TTLL5: variants seen among roughly 807,000 people sequenced by gnomAD.
TTLL5 encodes tubulin polyglutamylase TTLL5.
In TTLL5, 132 loss-of-function variants were observed where a neutral mutation model predicts 168.4. That is an observed-to-expected ratio of 0.78 (90% CI 0.68 to 0.91). The LOEUF is 0.91. Among genes scored for constraint, TTLL5 ranks in the 40% least tolerant of loss-of-function variants. The probability of loss-of-function intolerance (pLI) is 0.00; values close to 1 mark genes in which losing one functional copy is unlikely to be tolerated. For missense variants in TTLL5, 1,545 were observed against 1,581.5 expected (o/e 0.98, Z 0.39); for synonymous variants, 546 against 558.6 (o/e 0.98, Z 0.32).
chr14:75,813,429 A>G (rs562237826), intron 27 of TTLL5, among the ~76,000 whole-genome samples: 39 of 151,992 alleles, frequency 2.6e-4, no homozygotes, highest in Admixed American at 1.3e-4. Context: ...CAGCCTCCCT[A>G]GTAGCTGGGA....
At chr14:75,668,589 A>G (rs1160284436) in intron 2 of TTLL5, among the ~76,000 whole-genome samples, 1 of 152,264 alleles carries the variant, frequency 6.6e-6, no homozygotes, top group African/African-American at 2.4e-5. Flanking sequence ...ATAGGGAAAG[A>G]GAATAAAGTC....
intron 21 of TTLL5, among the ~76,000 whole-genome samples, chr14:75,773,903 A>ATACATAT (rs1194006811): frequency 3.7e-4 from 28 of 74,724 alleles, no homozygotes; most frequent in African/African-American, 8.0e-4. Context: ...AAAAAAAAAA[A>ATACATAT]ATACATATAT....
At chr14:75,784,215 A>G (rs1892236220) in intron 26 of TTLL5, among the ~76,000 whole-genome samples, 1 of 152,190 alleles carries the variant, frequency 6.6e-6, no homozygotes, top group Non-Finnish European at 1.5e-5. Context: ...GCCCCTGGCA[A>G]CCACTGATCT....
At position 75,883,428 on chromosome 14, in the gene TTLL5, G is replaced by T. The variant is rs371109656; in HGVS notation, c.3740+526G>T. 1.9e-4 allele frequency among the ~76,000 whole-genome samples: 29 copies of T among 152,324 alleles called. No individual in the cohort carries two copies. In the South Asian group the frequency reaches 6.0e-3, roughly 32 times the overall value. On this transcript the variant is annotated intron_variant, in intron 30 of 31. Transcript: ENST00000298832. ...TTAGCCAGTGAACTAGAAATAGATT[G>T]GTGAAGAGCGTTGGTTCTAGCAGCC... is the stretch of plus-strand genomic sequence containing the variant.
chr14:75,898,435 G>A (rs1346701194), intron 30 of TTLL5, among the ~76,000 whole-genome samples: 2 of 152,030 alleles, frequency 1.3e-5, no homozygotes, highest in Non-Finnish European at 2.9e-5. Flanking sequence ...TGAACCCAGG[G>A]GTTTGAGAGC....
chr14:75,691,174 A>G (rs1381629598), intron 6 of TTLL5, among the ~76,000 whole-genome samples: 4 of 152,154 alleles, frequency 2.6e-5, no homozygotes, highest in Non-Finnish European at 5.9e-5. Context: ...CCTAAGTGTC[A>G]GCTGTATGGC....
chr14:75,783,071 T>G, intron 25 of TTLL5, 76 bp from the exon 26 acceptor site: 1 of 1,408,750 alleles, frequency 7.1e-7, no homozygotes, highest in Non-Finnish European at 9.5e-7. Context: ...GTTTATGTTT[T>G]AAAAATATTT....
At chr14:75,763,255 C>CTGTGTGTGTGTGTGTGTGTG (rs60621403) in intron 18 of TTLL5, among the ~76,000 whole-genome samples, 2 of 58,516 alleles carry the variant, frequency 3.4e-5, no homozygotes, top group African/African-American at 9.6e-5. Context: ...AGCTCTCTCT[C>CTGTGTGTGTGTGTGTGTGTG]TGTGTGTGTG....
At chr14:75,795,518 C>T (rs952703574) in intron 27 of TTLL5, among the ~76,000 whole-genome samples, 1 of 152,018 alleles carries the variant, frequency 6.6e-6, no homozygotes, top group African/African-American at 2.4e-5. Context: ...TTTTGGTGCA[C>T]CTATCACCCA....
At chr14:75,671,950 C>T (rs1042303461) in intron 3 of TTLL5, among the ~76,000 whole-genome samples, 2 of 152,178 alleles carry the variant, frequency 1.3e-5, no homozygotes, top group Non-Finnish European at 2.9e-5. Flanking sequence ...TGTTTTTGAT[C>T]ATAGGAAGAA....
At chr14:75,904,770 A>G (rs556012585) in intron 31 of TTLL5, among the ~76,000 whole-genome samples, 1 of 152,290 alleles carries the variant, frequency 6.6e-6, no homozygotes, top group South Asian at 2.1e-4. Context: ...TTTGTCACCA[A>G]TAGGCTCTGG....
chr14:75,853,877 C>G (rs989458697), intron 28 of TTLL5, among the ~76,000 whole-genome samples: 1 of 152,124 alleles, frequency 6.6e-6, no homozygotes, highest in African/African-American at 2.4e-5. Flanking sequence ...AACCCCATCT[C>G]TACTAAAAAT....
intron 5 of TTLL5, among the ~76,000 whole-genome samples, chr14:75,687,091 C>A (rs1040675166): frequency 1.3e-5 from 2 of 151,880 alleles, no homozygotes; most frequent in Non-Finnish European, 2.9e-5. Context: ...GATTTTTATA[C>A]CTGTGAATCA....
At chr14:75,834,129 G>A (rs1229924573) in intron 28 of TTLL5, among the ~76,000 whole-genome samples, 2 of 152,176 alleles carry the variant, frequency 1.3e-5, no homozygotes, top group Non-Finnish European at 2.9e-5. Flanking sequence ...CTAGTAAAAG[G>A]CATGTGGGGC....
chr14:75,817,279 C>G (rs1894484655), intron 27 of TTLL5, among the ~76,000 whole-genome samples: 2 of 152,026 alleles, frequency 1.3e-5, no homozygotes, highest in African/African-American at 2.4e-5. Context: ...CGCCCAGCCT[C>G]TTCCCTGCCT....
chr14:75,830,881 C>A (rs1333723717), intron 28 of TTLL5, among the ~76,000 whole-genome samples: 2 of 152,118 alleles, frequency 1.3e-5, no homozygotes, highest in Non-Finnish European at 2.9e-5. Flanking sequence ...CCCTGATGTC[C>A]CAAGCAGATC....
intron 27 of TTLL5, among the ~76,000 whole-genome samples, chr14:75,808,169 TG>T (rs1415209055): frequency 6.6e-6 from 1 of 152,210 alleles, no homozygotes; most frequent in Non-Finnish European, 1.5e-5. Context: ...GGAATGTCTC[TG>T]GCAAATCTTG....
chr14:75,867,976 G>C (rs2030672400), intron 29 of TTLL5, among the ~76,000 whole-genome samples: 1 of 152,216 alleles, frequency 6.6e-6, no homozygotes, highest in Non-Finnish European at 1.5e-5. Context: ...TTGGGTAACA[G>C]TGACTACTGG....
intron 28 of TTLL5, among the ~76,000 whole-genome samples, chr14:75,821,528 G>A (rs923934178): frequency 1.3e-5 from 2 of 152,204 alleles, no homozygotes; most frequent in Non-Finnish European, 2.9e-5. Flanking sequence ...AAGGCTACAG[G>A]CATTGCTCCT....
Sources: allele counts gnomAD v4.1 joint callset (sites outside exome capture counted in the v4.1 genomes callset), GRCh38; gene constraint gnomAD v4.1.1; transcripts MANE v1.5; gene names NCBI Gene and HGNC (gene_info 2026-07-23, HGNC 2026-07-21).